Variants in GRID2 observed in about 807,000 individuals in gnomAD.
The protein encoded by GRID2 is glutamate ionotropic receptor delta type subunit 2, also known as glutamate receptor ionotropic, delta-2.
In GRID2, 33 loss-of-function variants were observed where a neutral mutation model predicts 114.8. The ratio of observed to expected loss-of-function variants is 0.29; its 90% CI spans 0.22 to 0.38. The LOEUF (loss-of-function observed/expected upper bound fraction) is 0.38, where lower values mean the gene tolerates loss of function less well. Among genes scored for constraint, GRID2 ranks in the 10% least tolerant of loss-of-function variants. GRID2 has a pLI of 1.00. For missense variants in GRID2, 1,184 were observed against 1,257.7 expected (o/e 0.94, Z 0.89); for synonymous variants, 505 against 449.9 (o/e 1.12, Z -1.55).
chr4:93,541,503 C>T (rs188281785), intron 13 of GRID2, among the ~76,000 whole-genome samples: 14 of 152,148 alleles, frequency 9.2e-5, no homozygotes, highest in East Asian at 1.9e-4. Context: ...AATACAACCC[C>T]GGTGTGAGAA....
chr4:93,478,658 AT>A lies in GRID2; in HGVS notation c.1859-11977del, dbSNP rs1170858981. Among the ~76,000 whole-genome samples the A allele has an allele frequency of 3.3e-5, 5 of 151,962 alleles. No homozygotes were observed. In the South Asian group the frequency reaches 1.0e-3, roughly 31 times the overall value. On this transcript the variant is annotated intron_variant, in intron 11 of 15. Transcript: ENST00000282020. ...CATTATGTTAATGTTAAGTATAAAC[AT>A]TTTATATTTTAACTGTTAACATTAA... is the stretch of plus-strand genomic sequence containing the variant.
At chr4:92,561,208 G>A (rs1009564266) in intron 1 of GRID2, among the ~76,000 whole-genome samples, 28 of 152,172 alleles carry the variant, frequency 1.8e-4, no homozygotes, top group Non-Finnish European at 4.4e-5. Context: ...AAGTCCTTGA[G>A]TAAATGAAGA....
rs537768813 is a variant in GRID2 at position 93,695,347 on chromosome 4, G to A, written c.2360+68912G>A. Among the ~76,000 whole-genome samples, 11 of 152,136 alleles carry A rather than the reference G, an allele frequency of 7.2e-5. No homozygotes were observed. In the East Asian group the frequency reaches 1.7e-3, roughly 24 times the overall value. On this transcript the variant is annotated intron_variant, in intron 14 of 15. Transcript: ENST00000282020. ...AGGACTGGGCTATAATGGCACAATC[G>A]AAATGCATTAAATCAAATTGTAAGA...
At chr4:93,619,187 C>G (rs960090594) in intron 13 of GRID2, among the ~76,000 whole-genome samples, 4 of 152,088 alleles carry the variant, frequency 2.6e-5, no homozygotes, top group African/African-American at 9.7e-5. Flanking sequence ...ATTAAGGTAG[C>G]AGTAAACAAA....
chr4:93,310,510 G>A lies in GRID2; in HGVS notation c.1245+72020G>A, dbSNP rs146022390. Among the ~76,000 whole-genome samples, 407 of 152,110 alleles carry A rather than the reference G, an allele frequency of 2.7e-3. 1 individual carries two copies. The highest frequency in any genetic ancestry group is 6.8e-3 in the Middle Eastern group (2 of 294). ...TGTGCCACTGCACTCCAGCCTGGGC[G>A]CAGAACGAGACTCCATCTCAAAAAT... On this transcript the variant is annotated intron_variant, in intron 8 of 15. Coordinates refer to ENST00000282020, the MANE Select transcript of GRID2 (RefSeq NM_001510.4).
At chr4:92,694,333 C>G (rs1250120988) in intron 2 of GRID2, among the ~76,000 whole-genome samples, 1 of 152,108 alleles carries the variant, frequency 6.6e-6, no homozygotes, top group African/African-American at 2.4e-5. Context: ...TGAGCCTGCT[C>G]CCTACCAAGC....
At chr4:92,791,547 T>C (rs960504184) in intron 2 of GRID2, among the ~76,000 whole-genome samples, 11 of 151,894 alleles carry the variant, frequency 7.2e-5, no homozygotes, top group Non-Finnish European at 1.6e-4. Context: ...CTTCCATGTG[T>C]GCTTTCCTAA....
intron 3 of GRID2, among the ~76,000 whole-genome samples, chr4:93,097,442 A>AC: frequency 6.6e-6 from 1 of 151,812 alleles, no homozygotes; most frequent in South Asian, 2.1e-4. Flanking sequence ...CATAAAAAAA[A>AC]GGTGAGAATT....
At chr4:93,578,545 G>A (rs944424440) in intron 13 of GRID2, among the ~76,000 whole-genome samples, 7 of 150,390 alleles carry the variant, frequency 4.7e-5, no homozygotes, top group African/African-American at 1.7e-4. Flanking sequence ...TGATATATAG[G>A]TATCACAAAC....
At chr4:93,256,477 T>G (rs1336307321) in intron 8 of GRID2, among the ~76,000 whole-genome samples, 3 of 151,840 alleles carry the variant, frequency 2.0e-5, no homozygotes, top group African/African-American at 4.8e-5. Flanking sequence ...GATGGGGCTG[T>G]TATATCAATC....
chr4:93,718,970 C>G (rs753049519), intron 14 of GRID2, among the ~76,000 whole-genome samples: 50 of 152,092 alleles, frequency 3.3e-4, no homozygotes, highest in African/African-American at 1.2e-3. Flanking sequence ...AAAGATAAAT[C>G]ATAGCTGATG....
At chr4:93,719,731 A>G (rs961833434) in intron 14 of GRID2, among the ~76,000 whole-genome samples, 2 of 152,192 alleles carry the variant, frequency 1.3e-5, no homozygotes, top group Admixed American at 1.3e-4. Context: ...TATCCTCCAC[A>G]TGATTCCAAT....
chr4:93,335,801 G>A (rs532447984), intron 8 of GRID2, among the ~76,000 whole-genome samples: 1 of 151,578 alleles, frequency 6.6e-6, no homozygotes, highest in Non-Finnish European at 1.5e-5. Context: ...TGGGCTCAAG[G>A]GATCCTCTCA....
chr4:92,491,624 TTTGTC>T (rs1476793064), intron 1 of GRID2, among the ~76,000 whole-genome samples: 2 of 152,130 alleles, frequency 1.3e-5, no homozygotes, highest in East Asian at 3.9e-4. Flanking sequence ...ATGTTTCACA[TTTGTC>T]TTGTATATGC....
chr4:93,592,869 A>G (rs1438731991), intron 13 of GRID2, among the ~76,000 whole-genome samples: 1 of 152,056 alleles, frequency 6.6e-6, no homozygotes, highest in Non-Finnish European at 1.5e-5. Context: ...ATCAGAGACT[A>G]GGATTGCAAC....
chr4:93,443,045 A>G (rs547014940), intron 10 of GRID2, among the ~76,000 whole-genome samples: 9 of 151,938 alleles, frequency 5.9e-5, no homozygotes, highest in Non-Finnish European at 1.3e-4. Context: ...ATAAATATAA[A>G]TACGATCACT....
chr4:93,429,413 T>C (rs374224138), intron 10 of GRID2, among the ~76,000 whole-genome samples: 1 of 152,192 alleles, frequency 6.6e-6, no homozygotes, highest in African/African-American at 2.4e-5. Context: ...GAAAGATACA[T>C]ACTTAAAAAA....
At chr4:93,730,259 G>T (rs1028582966) in intron 14 of GRID2, among the ~76,000 whole-genome samples, 5 of 152,102 alleles carry the variant, frequency 3.3e-5, no homozygotes, top group African/African-American at 1.2e-4. Context: ...GACAAACAAG[G>T]GATGTAGATC....
intron 14 of GRID2, among the ~76,000 whole-genome samples, chr4:93,670,883 C>T (rs751128359): frequency 6.6e-4 from 100 of 152,326 alleles, no homozygotes; most frequent in Non-Finnish European, 9.8e-4. Flanking sequence ...GAATCTGATT[C>T]TTTCGGGAAG....
Sources: allele counts gnomAD v4.1 joint callset (sites outside exome capture counted in the v4.1 genomes callset), GRCh38; gene constraint gnomAD v4.1.1; transcripts MANE v1.5; gene names NCBI Gene and HGNC (gene_info 2026-07-23, HGNC 2026-07-21).